Variants in MTPAP observed in about 807,000 individuals in gnomAD.
MTPAP encodes poly(A) RNA polymerase, mitochondrial.
In MTPAP, 23 loss-of-function variants were observed where a neutral mutation model predicts 48.7. The ratio of observed to expected loss-of-function variants is 0.47; its 90% CI spans 0.34 to 0.67. The LOEUF is 0.67. Ranked by LOEUF, MTPAP falls within the 30% of genes least tolerant of loss-of-function variation. MTPAP has a pLI of 0.01. For synonymous variants in MTPAP, 257 were observed against 254.1 expected, an observed-to-expected ratio of 1.01 and a Z score of -0.11; for missense variants, 614 against 694.3, an observed-to-expected ratio of 0.88 and a Z score of 1.30.
chr10:30,319,225 A>G (rs1055532508), intron 6 of MTPAP, among the ~76,000 whole-genome samples: 1 of 152,226 alleles, frequency 6.6e-6, no homozygotes, highest in African/African-American at 2.4e-5. Context: ...GGAAGGTGAT[A>G]AAGGGCCCTG....
intron 1 of MTPAP, among the ~76,000 whole-genome samples, chr10:30,347,057 T>C (rs1479783437): frequency 6.6e-6 from 1 of 152,234 alleles, no homozygotes; most frequent in Non-Finnish European, 1.5e-5. Context: ...CACAGATTGG[T>C]ATAGTCTCCC....
intron 4 of MTPAP, among the ~76,000 whole-genome samples, chr10:30,334,721 G>GA (rs1455538683): frequency 6.6e-6 from 1 of 152,058 alleles, no homozygotes; most frequent in Non-Finnish European, 1.5e-5. Flanking sequence ...TATATAATGG[G>GA]AAATGATGAC....
chr10:30,323,122 C>T, intron 5 of MTPAP, among the ~76,000 whole-genome samples: 1 of 92,132 alleles, frequency 1.1e-5, no homozygotes, highest in South Asian at 4.4e-4. Flanking sequence ...GAGCAAGACT[C>T]CGTTTCAAAA....
intron 3 of MTPAP, among the ~76,000 whole-genome samples, chr10:30,337,561 C>T (rs1323193094): frequency 2.0e-5 from 3 of 152,006 alleles, no homozygotes; most frequent in Non-Finnish European, 4.4e-5. Flanking sequence ...ACAGCAGGAC[C>T]TCGTCTCTAT....
At chr10:30,344,458 T>C (rs531768163) in intron 1 of MTPAP, among the ~76,000 whole-genome samples, 1 of 152,294 alleles carries the variant, frequency 6.6e-6, no homozygotes, top group East Asian at 1.9e-4. Flanking sequence ...TATATTTATT[T>C]AACAATATGG....
Position 30,316,105 on chromosome 10 carries a change from G to C in MTPAP, c.1312+13C>G, listed in dbSNP as rs1264018601. The stretch of plus-strand genomic sequence containing the variant: ...CAATCCAGAAAGGATCAAGTAAACA[G>C]AAAGACACTTACCTAATGTTTCTGT... On this transcript the variant is annotated intron_variant, in intron 7 of 8. Coordinates refer to ENST00000263063, the MANE Select transcript of MTPAP (RefSeq NM_018109.4). 1.9e-6 allele frequency: 3 copies of C among 1,611,432 alleles called. No homozygotes were observed. Among genetic ancestry groups the C allele is most frequent in the Non-Finnish European group, 2.5e-6 (3 of 1,177,704 alleles).
chr10:30,322,299 A>G, intron 6 of MTPAP, 92 bp downstream of exon 6: 2 of 1,126,606 alleles, frequency 1.8e-6, no homozygotes, highest in Non-Finnish European at 2.7e-6. Context: ...TATGACTAAT[A>G]AACAAATAGA....
In MTPAP at chr10:30,329,419, G is replaced by A. The variant is rs1025127310; in HGVS notation, c.781-2784C>T. Among the ~76,000 whole-genome samples the A allele has an allele frequency of 1.1e-4, 17 of 151,828 alleles. No homozygotes were observed. The South Asian group carries it at 1.2e-3, about 11-fold the overall frequency. ...ATTTTTTTATTTTTAGCAGAGATGC[G>A]GTCTCCCCCAGCCTATGTTGCCCAG... On this transcript the variant is annotated intron_variant, in intron 4 of 8. Coordinates refer to ENST00000263063, the MANE Select transcript of MTPAP (RefSeq NM_018109.4).
chr10:30,337,223 G>A lies in MTPAP; in HGVS notation c.556-196C>T, dbSNP rs149507799. On this transcript the variant is annotated intron_variant, in intron 3 of 8. Transcript: ENST00000263063. ...GTGGATCACCTGAGGCCGGAATTTCGCGACCAGCCTGACCAACATGGAGAA... is the reference window on the plus strand; with the variant it reads ...GTGGATCACCTGAGGCCGGAATTTCACGACCAGCCTGACCAACATGGAGAA... 5.1e-4 allele frequency among the ~76,000 whole-genome samples: 77 copies of A among 152,096 alleles called. No individual in the cohort carries two copies. In the East Asian group the frequency reaches 9.3e-3, roughly 18 times the overall value.
chr10:30,337,857 T>A (rs999527943), intron 3 of MTPAP, among the ~76,000 whole-genome samples: 2 of 152,174 alleles, frequency 1.3e-5, no homozygotes, highest in African/African-American at 4.8e-5. Context: ...ATAACAATCC[T>A]GTCTATCCAC....
At chr10:30,321,578 A>T (rs1840724968) in intron 6 of MTPAP, among the ~76,000 whole-genome samples, 1 of 152,228 alleles carries the variant, frequency 6.6e-6, no homozygotes, top group Admixed American at 6.5e-5. Context: ...TGTGGGACAC[A>T]TAAAGAGGAG....
chr10:30,326,010 T>C (rs1021658567), intron 5 of MTPAP, among the ~76,000 whole-genome samples: 2 of 152,054 alleles, frequency 1.3e-5, no homozygotes, highest in South Asian at 2.1e-4. Flanking sequence ...CAACTTCAAG[T>C]TGGTATTTTA....
At chr10:30,343,099 T>C (rs1178439504) in intron 1 of MTPAP, among the ~76,000 whole-genome samples, 2 of 152,182 alleles carry the variant, frequency 1.3e-5, no homozygotes, top group African/African-American at 4.8e-5. Context: ...GGTGTTTCTT[T>C]AAAAAGTCTG....
chr10:30,335,443 G>A (rs371530207), intron 4 of MTPAP, among the ~76,000 whole-genome samples: 27 of 152,218 alleles, frequency 1.8e-4, no homozygotes, highest in African/African-American at 5.5e-4. Flanking sequence ...CCTAGATCAC[G>A]TCACCGTACT....
intron 6 of MTPAP, among the ~76,000 whole-genome samples, chr10:30,317,821 C>T (rs181043575): frequency 1.3e-5 from 2 of 152,238 alleles, no homozygotes; most frequent in Non-Finnish European, 2.9e-5. Flanking sequence ...TAGCATATAG[C>T]AGGTATATAA....
At chr10:30,314,884 C>CAAAATAAAAAAAAAAAAAA (rs1840641301) in intron 8 of MTPAP, among the ~76,000 whole-genome samples, 1 of 110,746 alleles carries the variant, frequency 9.0e-6, no homozygotes, top group Non-Finnish European at 1.8e-5. Flanking sequence ...AAAACAAAAA[C>CAAAATAAAAAAAAAAAAAA]AAAAAAAAAA....
intron 8 of MTPAP, among the ~76,000 whole-genome samples, chr10:30,315,532 A>C (rs1449671078): frequency 2.0e-5 from 3 of 152,044 alleles, no homozygotes; most frequent in Non-Finnish European, 4.4e-5. Flanking sequence ...AAACAAAACA[A>C]AACAAAAAAA....
At chr10:30,329,655 G>A (rs1054301138) in intron 4 of MTPAP, among the ~76,000 whole-genome samples, 11 of 151,880 alleles carry the variant, frequency 7.2e-5, no homozygotes, top group African/African-American at 2.4e-4. Flanking sequence ...AAGCTAACTC[G>A]TGTTATTTCT....
chr10:30,325,625 A>G (rs761438109), intron 5 of MTPAP, among the ~76,000 whole-genome samples: 1 of 152,066 alleles, frequency 6.6e-6, no homozygotes, highest in Non-Finnish European at 1.5e-5. Flanking sequence ...ATGCATCTAC[A>G]ATCCCAGCTA....
Sources: allele counts gnomAD v4.1 joint callset (sites outside exome capture counted in the v4.1 genomes callset), GRCh38; gene constraint gnomAD v4.1.1; transcripts MANE v1.5; gene names NCBI Gene and HGNC (gene_info 2026-07-23, HGNC 2026-07-21).